CLEC16A: variants seen among roughly 807,000 people sequenced by gnomAD.
The protein encoded by CLEC16A is protein CLEC16A.
In CLEC16A, 51 loss-of-function variants were observed where a neutral mutation model predicts 109.5. The observed-to-expected ratio is 0.47, with a 90% CI of 0.37 to 0.59. The LOEUF (loss-of-function observed/expected upper bound fraction) is 0.59. Among genes scored for constraint, CLEC16A ranks in the 20% least tolerant of loss-of-function variants. The pLI, the probability that CLEC16A is intolerant of heterozygous loss-of-function variation, is 0.00. For synonymous variants in CLEC16A, 673 were observed against 564.2 expected (o/e 1.19, Z -2.73); for missense variants, 1,339 against 1,394.0 (o/e 0.96, Z 0.63).
intron 11 of CLEC16A, among the ~76,000 whole-genome samples, chr16:11,019,495 A>C (rs1361914757): frequency 2.0e-5 from 3 of 152,230 alleles, no homozygotes; most frequent in Non-Finnish European, 4.4e-5. Flanking sequence ...TAGGCCAGAC[A>C]TGGTGGCTGA....
chr16:10,966,822 C>G lies in CLEC16A; in HGVS notation c.344-2339C>G, dbSNP rs191555137. 5.3e-4 allele frequency among the ~76,000 whole-genome samples: 81 copies of G among 152,288 alleles called. 1 individual carries two copies. Among genetic ancestry groups the G allele is most frequent in the Middle Eastern group, 3.4e-3 (1 of 294 alleles). ...ATTCAATTATCTCCACCTGATCCCT[C>G]CCACAACACGTGGGGATTATGGGAA... is the stretch of plus-strand genomic sequence containing the variant. On this transcript the variant is annotated intron_variant, in intron 3 of 23. Transcript: ENST00000409790.
intron 12 of CLEC16A, among the ~76,000 whole-genome samples, chr16:11,022,105 T>C (rs1045325363): frequency 6.6e-6 from 1 of 152,216 alleles, no homozygotes; most frequent in African/African-American, 2.4e-5. Flanking sequence ...TGGCTTCTAA[T>C]GGAAGCTGAT....
intron 6 of CLEC16A, 146 bp downstream of exon 6, chr16:10,972,705 C>A: frequency 1.2e-6 from 1 of 851,850 alleles, no homozygotes; most frequent in Non-Finnish European, 1.8e-6. Context: ...ATGTTTAGCC[C>A]AACTAATTTA....
chr16:11,012,862 G>T (rs1341667367), intron 11 of CLEC16A, among the ~76,000 whole-genome samples: 2 of 152,044 alleles, frequency 1.3e-5, no homozygotes, highest in African/African-American at 4.8e-5. Context: ...TCTACTTTAT[G>T]AATTGTTATT....
In CLEC16A at chr16:11,135,685, G is replaced by C. The variant is rs551329043; in HGVS notation, c.2641+9539G>C. On this transcript the variant is annotated intron_variant, in intron 22 of 23. Transcript: ENST00000409790. ...ATAGAGAAGCCCGTGCAGTAGGTGG[G>C]GGGAGAGAACAAACCCCATATGCAA... Among the ~76,000 whole-genome samples the C allele has an allele frequency of 8.5e-5, 13 of 152,364 alleles. No individual in the cohort carries two copies. The East Asian group carries it at 2.5e-3, about 29-fold the overall frequency.
Position 11,157,188 on chromosome 16 carries a change from G to T in CLEC16A, c.2642-9200G>T, listed in dbSNP as rs952497423. 2.4e-6 allele frequency: 3 copies of T among 1,255,128 alleles called. No individual in the cohort carries two copies. The South Asian group carries it at 4.0e-5, about 17-fold the overall frequency. The allele number at this position is 1,255,128 out of a possible 1,614,324, so 77.7% of individuals were successfully genotyped here. A position where few individuals can be genotyped will look rare whatever the true frequency, so the allele number is the denominator to read the frequency against. On this transcript the variant is annotated intron_variant, in intron 22 of 23. Coordinates refer to ENST00000409790, the MANE Select transcript of CLEC16A (RefSeq NM_015226.3). ...TTTTTGTATGTTGGACATGTTATCCGTTGAAAAGCAATCAGAAATAAAAAG... is the reference window on the plus strand; with the variant it reads ...TTTTTGTATGTTGGACATGTTATCCTTTGAAAAGCAATCAGAAATAAAAAG...
chr16:11,147,724 C>G (rs908552676), intron 22 of CLEC16A, among the ~76,000 whole-genome samples: 8 of 152,182 alleles, frequency 5.3e-5, no homozygotes, highest in Non-Finnish European at 7.3e-5. Context: ...AAATACAGCT[C>G]TCAACTTGTC....
chr16:11,156,735 G>C, intron 22 of CLEC16A: 1 of 1,179,726 alleles, frequency 8.5e-7, no homozygotes, highest in South Asian at 1.3e-5. Flanking sequence ...CTGGGTCCTT[G>C]GGAATCAAGC....
chr16:11,141,287 A>T (rs1033502691), intron 22 of CLEC16A, among the ~76,000 whole-genome samples: 2 of 152,260 alleles, frequency 1.3e-5, no homozygotes, highest in Non-Finnish European at 2.9e-5. Context: ...CATCTCTGGC[A>T]TGGTTCCTTC....
At chr16:10,978,842 A>C (rs2043160923) in intron 8 of CLEC16A, among the ~76,000 whole-genome samples, 1 of 152,218 alleles carries the variant, frequency 6.6e-6, no homozygotes, top group Non-Finnish European at 1.5e-5. Flanking sequence ...CTTCGGCTGC[A>C]AAATGAGGGC....
In CLEC16A at chr16:11,123,807, G is replaced by T. The variant is rs201130241; in HGVS notation, c.2334G>T (p.Ala778=). 6.2e-7 allele frequency: 1 copy of T among 1,614,028 alleles called. No homozygotes were observed. The highest frequency in any genetic ancestry group is 2.2e-5 in the East Asian group (1 of 44,888). The change falls in exon 21 of 24, where the codon GCG becomes GCT. Residue 778 remains alanine, a synonymous_variant. Transcript: ENST00000409790. ...TGAACATCACCATCCACAAGCCTGC[G>T]TCCAGCCCCCATTCCAAGCCCTTCC... is the stretch of plus-strand genomic sequence containing the variant. ...RALNITIHKP[A]SSPHSKPFPI...
At chr16:11,000,809 G>A (rs529457911) in intron 10 of CLEC16A, among the ~76,000 whole-genome samples, 20 of 152,236 alleles carry the variant, frequency 1.3e-4, no homozygotes, top group African/African-American at 4.6e-4. Context: ...TGTTTTGAGC[G>A]TTATTGAAAT....
intron 19 of CLEC16A, among the ~76,000 whole-genome samples, chr16:11,083,325 G>C (rs1427882448): frequency 6.6e-6 from 1 of 152,116 alleles, no homozygotes; most frequent in Non-Finnish European, 1.5e-5. Context: ...ACCACGCCTG[G>C]ATAATTTTTT....
chr16:11,027,514 C>T, intron 13 of CLEC16A: 1 of 1,580,286 alleles, frequency 6.3e-7, no homozygotes, highest in Non-Finnish European at 8.6e-7. Flanking sequence ...AAGAGTAAGA[C>T]CATCCCTCTG....
intron 18 of CLEC16A, among the ~76,000 whole-genome samples, chr16:11,058,789 C>T (rs1377163016): frequency 6.6e-6 from 1 of 152,156 alleles, no homozygotes; most frequent in Non-Finnish European, 1.5e-5. Flanking sequence ...TTTTCTTACC[C>T]ACCTGCTCTG....
intron 14 of CLEC16A, 46 bp from the exon 15 acceptor site, chr16:11,042,208 G>T (rs199555901): frequency 1.4e-6 from 2 of 1,457,936 alleles, no homozygotes; most frequent in African/African-American, 1.4e-5. Flanking sequence ...GGGTTTAAGG[G>T]CGCCCCACCC....
chr16:11,043,333 C>A (rs968174612), intron 15 of CLEC16A, among the ~76,000 whole-genome samples: 2 of 152,144 alleles, frequency 1.3e-5, no homozygotes, highest in African/African-American at 2.4e-5. Flanking sequence ...TTGCCTGAAC[C>A]CAGGAGTTTG....
intron 17 of CLEC16A, 51 bp downstream of exon 17, chr16:11,047,393 C>A: frequency 7.0e-7 from 1 of 1,428,762 alleles, no homozygotes; most frequent in Non-Finnish European, 9.5e-7. Context: ...TGTGTCCCTG[C>A]CAAGCTCCCC....
chr16:10,997,006 G>C (rs1490524179), intron 10 of CLEC16A, among the ~76,000 whole-genome samples: 2 of 152,232 alleles, frequency 1.3e-5, no homozygotes, highest in Admixed American at 1.3e-4. Context: ...GTGTCACCCA[G>C]GCTGGAGTGC....
Sources: gnomAD v4.1 joint callset for allele counts (sites outside exome capture counted in the v4.1 genomes callset) on GRCh38, gnomAD v4.1.1 for gene constraint, MANE v1.5 for transcripts, NCBI Gene and HGNC (gene_info 2026-07-23, HGNC 2026-07-21) for gene names.